The following GRID2 variants were observed in gnomAD, a reference collection of about 807,000 sequenced individuals.
GRID2 encodes glutamate ionotropic receptor delta type subunit 2.
In GRID2, 33 loss-of-function variants were observed where a neutral mutation model predicts 114.8. The ratio of observed to expected loss-of-function variants is 0.29; its 90% CI spans 0.22 to 0.38. The LOEUF (loss-of-function observed/expected upper bound fraction) is 0.38, where lower values mean the gene tolerates loss of function less well. GRID2 is among the 10% of genes least tolerant of loss of function. GRID2 has a pLI of 1.00. For synonymous variants in GRID2, 505 were observed against 449.9 expected (o/e 1.12, Z -1.55); for missense variants, 1,184 against 1,257.7 (o/e 0.94, Z 0.89).
chr4:93,390,064 C>T (rs898396351), intron 8 of GRID2, among the ~76,000 whole-genome samples: 2 of 152,194 alleles, frequency 1.3e-5, no homozygotes, highest in Admixed American at 1.3e-4. Context: ...GTTGGGACTA[C>T]AGGCGTGAGC....
At chr4:93,147,758 T>C (rs984367496) in intron 4 of GRID2, among the ~76,000 whole-genome samples, 25 of 152,230 alleles carry the variant, frequency 1.6e-4, no homozygotes, top group African/African-American at 5.8e-4. Context: ...TGCTCTTTTC[T>C]AAGACATTAA....
At chr4:93,264,632 A>G (rs1404941173) in intron 8 of GRID2, among the ~76,000 whole-genome samples, 4 of 149,856 alleles carry the variant, frequency 2.7e-5, no homozygotes, top group Non-Finnish European at 5.9e-5. Flanking sequence ...TCTCCTGAGG[A>G]CATAATTTCA....
At chr4:93,613,818 C>T (rs1741259871) in intron 13 of GRID2, among the ~76,000 whole-genome samples, 1 of 151,862 alleles carries the variant, frequency 6.6e-6, no homozygotes, top group African/African-American at 2.4e-5. Context: ...GGCAGGCCTC[C>T]TTGAGCTGTG....
intron 14 of GRID2, among the ~76,000 whole-genome samples, chr4:93,675,980 G>C (rs1013331556): frequency 2.0e-5 from 3 of 152,302 alleles, no homozygotes; most frequent in African/African-American, 2.4e-5. Context: ...GCACTTAATA[G>C]CCTTAGACAG....
chr4:92,904,315 T>A (rs1338614016), intron 2 of GRID2, among the ~76,000 whole-genome samples: 1 of 150,274 alleles, frequency 6.7e-6, no homozygotes, highest in Admixed American at 6.6e-5. Context: ...AAGATAATTT[T>A]AATACCTTAT....
At chr4:92,693,101 A>G (rs897493227) in intron 2 of GRID2, among the ~76,000 whole-genome samples, 2 of 151,638 alleles carry the variant, frequency 1.3e-5, no homozygotes, top group Non-Finnish European at 2.9e-5. Context: ...TTAAAAATCT[A>G]TAGTAATGCA....
chr4:92,980,301 G>T (rs567162550), intron 2 of GRID2, among the ~76,000 whole-genome samples: 1 of 151,364 alleles, frequency 6.6e-6, no homozygotes, highest in Non-Finnish European at 1.5e-5. Context: ...TGCACTTGAG[G>T]TTCAGAAAAA....
intron 10 of GRID2, among the ~76,000 whole-genome samples, chr4:93,436,525 A>G (rs922415011): frequency 2.6e-5 from 4 of 152,132 alleles, no homozygotes; most frequent in African/African-American, 7.2e-5. Context: ...AAGGAAAAGT[A>G]GGATGCTGTT....
At chr4:93,560,135 G>T (rs1323755679) in intron 13 of GRID2, among the ~76,000 whole-genome samples, 1 of 147,022 alleles carries the variant, frequency 6.8e-6, no homozygotes, top group Admixed American at 6.9e-5. Context: ...GCAGATGATG[G>T]GTTGATGGGT....
chr4:92,334,692 G>A (rs537764904), intron 1 of GRID2, among the ~76,000 whole-genome samples: 19 of 152,144 alleles, frequency 1.2e-4, no homozygotes, highest in African/African-American at 4.6e-4. Flanking sequence ...GCTCTTAAAG[G>A]TCCCACCACT....
intron 2 of GRID2, among the ~76,000 whole-genome samples, chr4:92,606,035 G>GTTTTTGAAAATAA (rs1729434979): frequency 6.6e-6 from 1 of 151,404 alleles, no homozygotes; most frequent in Non-Finnish European, 1.5e-5. Context: ...TTCTTTCCAG[G>GTTTTTGAAAATAA]AAAACTAAAA....
intron 2 of GRID2, among the ~76,000 whole-genome samples, chr4:92,752,107 G>A (rs1737479843): frequency 6.6e-6 from 1 of 152,168 alleles, no homozygotes; most frequent in Non-Finnish European, 1.5e-5. Flanking sequence ...TTCTCTGAAG[G>A]ATTCTGAGAG....
rs1735034780 is a variant in GRID2, at chr4:93,562,626, A to T, written c.2193+47215A>T. On this transcript the variant is annotated intron_variant, in intron 13 of 15. Transcript: ENST00000282020. ...CATGGCAAAAGCCAAGGTCATCTAG[A>T]TTTTCTCCTATGTCATCTTCTAGGA... Among the ~76,000 whole-genome samples, 17 of 151,926 alleles carry T rather than the reference A, an allele frequency of 1.1e-4. No homozygotes were observed. In the South Asian group the frequency reaches 3.5e-3, roughly 31 times the overall value.
intron 3 of GRID2, among the ~76,000 whole-genome samples, chr4:93,088,740 ATCT>A (rs1184637323): frequency 1.3e-5 from 2 of 152,136 alleles, no homozygotes; most frequent in African/African-American, 2.4e-5. Context: ...ATGTCATTTG[ATCT>A]TCTCAGTAGC....
chr4:92,799,067 A>G (rs778352556), intron 2 of GRID2, among the ~76,000 whole-genome samples: 1 of 151,954 alleles, frequency 6.6e-6, no homozygotes, highest in Non-Finnish European at 1.5e-5. Context: ...CAAGTGCATT[A>G]CATTTATTGT....
At chr4:93,171,048 A>G (rs989930062) in intron 4 of GRID2, among the ~76,000 whole-genome samples, 2 of 152,204 alleles carry the variant, frequency 1.3e-5, no homozygotes, top group Admixed American at 1.3e-4. Flanking sequence ...TACAAAAAGT[A>G]GAATCATCTT....
intron 1 of GRID2, among the ~76,000 whole-genome samples, chr4:92,355,079 G>A (rs1728253009): frequency 6.6e-6 from 1 of 151,816 alleles, no homozygotes; most frequent in African/African-American, 2.4e-5. Flanking sequence ...CCTAGCTCAA[G>A]CTGCCTTTTC....
chr4:92,626,313 A>G (rs1159372681), intron 2 of GRID2, among the ~76,000 whole-genome samples: 1 of 152,028 alleles, frequency 6.6e-6, no homozygotes, highest in Non-Finnish European at 1.5e-5. Flanking sequence ...TTGTTAATGT[A>G]AAGCTTTTCA....
Position 92,363,798 on chromosome 4 carries a change from C to T in GRID2, c.88+59054C>T, listed in dbSNP as rs562054814. On this transcript the variant is annotated intron_variant, in intron 1 of 15. Coordinates refer to ENST00000282020, the MANE Select transcript of GRID2 (RefSeq NM_001510.4). The stretch of plus-strand genomic sequence containing the variant: ...TTTTTAAAGTGAATTTTATTAATTA[C>T]TGTGTCTAGAATTAAGTTTACTTTT... Among the ~76,000 whole-genome samples, 3 of 148,004 alleles carry T rather than the reference C, an allele frequency of 2.0e-5. No individual in the cohort carries two copies. In the South Asian group the frequency reaches 6.5e-4, roughly 32 times the overall value.
Sources: gnomAD v4.1 joint callset for allele counts (sites outside exome capture counted in the v4.1 genomes callset) on GRCh38, gnomAD v4.1.1 for gene constraint, MANE v1.5 for transcripts, NCBI Gene and HGNC (gene_info 2026-07-23, HGNC 2026-07-21) for gene names.